RNF19B: variants seen among roughly 807,000 people sequenced by gnomAD.
RNF19B encodes E3 ubiquitin-protein ligase RNF19B.
RNF19B carries 23 observed loss-of-function variants against 65.5 expected under a neutral mutation model. The observed-to-expected ratio is 0.35, with a 90% CI of 0.25 to 0.50. RNF19B has a LOEUF of 0.50. Among genes scored for constraint, RNF19B ranks in the 20% least tolerant of loss-of-function variants. The probability of loss-of-function intolerance (pLI) is 0.98; values close to 1 mark genes in which losing one functional copy is unlikely to be tolerated. For missense variants in RNF19B, 794 were observed against 980.0 expected, an observed-to-expected ratio of 0.81 and a Z score of 2.53; for synonymous variants, 372 against 379.6, an observed-to-expected ratio of 0.98 and a Z score of 0.23.
chr1:32,930,760 C>T, the RNF19B span, among the ~76,000 whole-genome samples: 10 of 152,250 alleles, frequency 6.6e-5, no homozygotes, highest in Non-Finnish European at 1.2e-4. Flanking sequence ...GTATAGGCCA[C>T]TTTTAAGTCC....
Position 32,964,349 on chromosome 1 carries a change from C to G in RNF19B, c.337G>C (p.Gly113Arg). 7.0e-7 allele frequency: 1 copy of G among 1,432,924 alleles called. No individual in the cohort carries two copies. The highest frequency in any genetic ancestry group is 9.1e-7 in the Non-Finnish European group (1 of 1,096,890). 88.8% of individuals were successfully genotyped at this position (1,432,924 alleles called of 1,614,324 possible). A position where few individuals can be genotyped will look rare whatever the true frequency, so the allele number is the denominator to read the frequency against. Reference sequence around the variant, plus strand: ...AGCGGACACTCCACCTCCTCCGCGCCCGGGCCACCGCCCTCCGCCGCCTCC... The same window carrying G: ...AGCGGACACTCCACCTCCTCCGCGCGCGGGCCACCGCCCTCCGCCGCCTCC... ...DEEAAEGGGPGAEEVECPLCL... is the reference protein window; with the variant it reads ...DEEAAEGGGPRAEEVECPLCL... The change falls in exon 1 of 9, where the codon GGC (glycine) becomes CGC (arginine). Residue 113 changes from glycine (G) to arginine (R), a missense_variant. By Grantham distance (125) the Gly-to-Arg change is moderately radical. Coordinates refer to ENST00000235150, the MANE Select transcript of RNF19B (RefSeq NM_001300826.2). The surrounding 1 kb of genome is among the most constrained non-coding windows in gnomAD (Gnocchi z 6.5).
At chr1:32,933,255 TTA>T (rs1034758602), downstream of RNF19B, among the ~76,000 whole-genome samples, 9 of 135,436 alleles carry the variant, frequency 6.6e-5, no homozygotes, top group African/African-American at 2.2e-4. Flanking sequence ...GCTATTATTA[TTA>T]TTTTTTTTTT....
intron 1 of RNF19B, among the ~76,000 whole-genome samples, chr1:32,950,068 C>A (rs1642456292): frequency 6.6e-6 from 1 of 152,074 alleles, no homozygotes; most frequent in Admixed American, 6.6e-5. Flanking sequence ...CTCCCAGGTT[C>A]AAGCAATTCT....
chr1:32,956,927 T>G (rs577757892), intron 1 of RNF19B, among the ~76,000 whole-genome samples: 1 of 152,150 alleles, frequency 6.6e-6, no homozygotes, highest in Non-Finnish European at 1.5e-5. Context: ...CACAATGAAC[T>G]GTACCCTTAA....
downstream of RNF19B, among the ~76,000 whole-genome samples, chr1:32,936,127 T>C (rs1313067133): frequency 6.6e-6 from 1 of 152,218 alleles, no homozygotes; most frequent in Admixed American, 6.5e-5. Flanking sequence ...GTGACTATAA[T>C]GCAGAAAAGG....
At chr1:32,935,090 A>G (rs1642075642), downstream of RNF19B, among the ~76,000 whole-genome samples, 2 of 151,668 alleles carry the variant, frequency 1.3e-5, no homozygotes, top group South Asian at 4.2e-4. Flanking sequence ...TTGGCCTCCC[A>G]AAGTGCTGGG....
At position 32,964,694 on chromosome 1, in the gene RNF19B, G is replaced by C; in HGVS notation, c.-9C>G. ...TCCTTCTCGGAGCCCATGGCCGGCA[G>C]AGGCCGAGGAGCCAGGGGCGCCCAG... is the stretch of plus-strand genomic sequence containing the variant. On this transcript the variant is annotated 5_prime_UTR_variant, in exon 1 of 9. Transcript: ENST00000235150. The surrounding 1 kb of genome is among the most constrained non-coding windows in gnomAD (Gnocchi z 6.5). 1.4e-6 allele frequency: 2 copies of C among 1,453,280 alleles called. No individual in the cohort carries two copies. The highest frequency in any genetic ancestry group is 1.8e-6 in the Non-Finnish European group (2 of 1,107,140). The allele number at this position is 1,453,280 out of a possible 1,614,324, so 90.0% of individuals were successfully genotyped here.
At position 32,936,738 on chromosome 1, in the gene RNF19B, A is replaced by G. The variant is rs921478178; in HGVS notation, c.*68T>C. ...ACATAAATCTCTACCCCTTGGAAAA[A>G]AAAAAAAAAAAATTCCAAAAGATGC... On this transcript the variant is annotated 3_prime_UTR_variant, in exon 9 of 9. Transcript: ENST00000235150. The G allele has an allele frequency of 2.8e-6, 4 of 1,424,104 alleles. No homozygotes were observed. In the African/African-American group the frequency reaches 5.7e-5, roughly 20 times the overall value. The allele number at this position is 1,424,104 out of a possible 1,614,324, so 88.2% of individuals were successfully genotyped here.
At position 32,943,498 on chromosome 1, in the gene RNF19B, C is replaced by G. The variant is rs1642288743; in HGVS notation, c.1402+521G>C. 3.3e-5 allele frequency among the ~76,000 whole-genome samples: 5 copies of G among 151,922 alleles called. No individual in the cohort carries two copies. The South Asian group carries it at 1.0e-3, about 32-fold the overall frequency. On this transcript the variant is annotated intron_variant, in intron 6 of 8. Coordinates refer to ENST00000235150, the MANE Select transcript of RNF19B (RefSeq NM_001300826.2). ...AGGCGTGGTGGCACGTTGCTGTAGT[C>G]CCAGCTACTCAGGAGGCTGAGGCAG...
chr1:32,933,264 T>A (rs976213369), downstream of RNF19B, among the ~76,000 whole-genome samples: 1 of 145,004 alleles, frequency 6.9e-6, no homozygotes, highest in African/African-American at 2.4e-5. Context: ...ATTATTTTTT[T>A]TTTTTTGTGA....
intron 5 of RNF19B, among the ~76,000 whole-genome samples, chr1:32,944,968 G>T (rs374581510): frequency 2.4e-3 from 364 of 152,234 alleles, no homozygotes; most frequent in African/African-American, 8.3e-3. Flanking sequence ...AATTACAGGC[G>T]TGAGCCACTG....
At chr1:32,931,045 G>A in the RNF19B span, among the ~76,000 whole-genome samples, 3 of 151,214 alleles carry the variant, frequency 2.0e-5, no homozygotes, top group Admixed American at 6.6e-5. Flanking sequence ...CCGAGATTGC[G>A]CCTCTGCACT....
chr1:32,955,511 C>G (rs1452056079), intron 1 of RNF19B, among the ~76,000 whole-genome samples: 1 of 151,564 alleles, frequency 6.6e-6, no homozygotes, highest in Non-Finnish European at 1.5e-5. Context: ...GGGTGGATTG[C>G]TTGAGCTCAG....
intron 3 of RNF19B, 95 bp downstream of exon 3, chr1:32,948,127 G>C: frequency 7.4e-7 from 1 of 1,348,956 alleles, no homozygotes; most frequent in Middle Eastern, 1.9e-4. Flanking sequence ...CCTTAAACCT[G>C]TAATGAGAGA....
intron 1 of RNF19B, among the ~76,000 whole-genome samples, chr1:32,951,143 AT>A (rs1024638883): frequency 1.6e-4 from 24 of 151,826 alleles, no homozygotes; most frequent in Admixed American, 7.2e-4. Flanking sequence ...AGCCTTTTTC[AT>A]TTTTTTTCTT....
chr1:32,952,921 A>G (rs1013561865), intron 1 of RNF19B, among the ~76,000 whole-genome samples: 1 of 151,612 alleles, frequency 6.6e-6, no homozygotes, highest in Non-Finnish European at 1.5e-5. Flanking sequence ...TAAAAAAAAT[A>G]ATAAATAAAT....
In RNF19B at chr1:32,961,975, GTTT is replaced by G. The variant is rs543372858; in HGVS notation, c.635+2073_635+2075del. Among the ~76,000 whole-genome samples the G allele has an allele frequency of 5.9e-4, 86 of 145,654 alleles. 1 individual carries two copies. In the East Asian group the frequency reaches 9.5e-3, roughly 16 times the overall value. On this transcript the variant is annotated intron_variant, in intron 1 of 8. Coordinates refer to ENST00000235150, the MANE Select transcript of RNF19B (RefSeq NM_001300826.2). Reference sequence around the variant, plus strand: ...TCCAAAATTAACTATGCAGTGTTTTGTTTTTTTTTTTTCTTGAGACAGAATCTC... The same window carrying G: ...TCCAAAATTAACTATGCAGTGTTTTGTTTTTTTTTCTTGAGACAGAATCTC...
At chr1:32,949,430 G>C (rs1642438036) in intron 2 of RNF19B, 139 bp downstream of exon 2, 1 of 652,372 alleles carries the variant, frequency 1.5e-6, no homozygotes, top group Non-Finnish European at 2.6e-6. Context: ...TTATAATATT[G>C]AAAGTATTAT....
the RNF19B span, among the ~76,000 whole-genome samples, chr1:32,931,214 T>C: frequency 1.3e-5 from 2 of 152,174 alleles, no homozygotes; most frequent in Non-Finnish European, 2.9e-5. Flanking sequence ...GTCCAACATC[T>C]TTGGAATATA....
Sources: gnomAD v4.1 joint callset for allele counts (sites outside exome capture counted in the v4.1 genomes callset) on GRCh38, gnomAD v4.1.1 for gene constraint, Gnocchi (gnomAD v3.1) non-coding constraint, MANE v1.5 for transcripts, NCBI Gene and HGNC (gene_info 2026-07-23, HGNC 2026-07-21) for gene names.